The following AP1M2 variants were observed in gnomAD, a reference collection of about 807,000 sequenced individuals.
AP1M2 encodes the protein AP-1 complex subunit mu-2.
A neutral mutation model predicts 54.6 loss-of-function variants in AP1M2; 41 were observed. That is an observed-to-expected ratio of 0.75 (90% CI 0.59 to 0.97). The LOEUF is 0.97. AP1M2 is among the 50% of genes least tolerant of loss of function. The pLI is 0.00. For synonymous variants in AP1M2, 219 were observed against 215.9 expected, an observed-to-expected ratio of 1.01 and a Z score of -0.13; for missense variants, 507 against 561.2, an observed-to-expected ratio of 0.90 and a Z score of 0.98.
At chr19:10,582,015 G>T in intron 3 of AP1M2, 137 bp from the exon 4 acceptor site, 1 of 939,200 alleles carries the variant, frequency 1.1e-6, no homozygotes, top group Non-Finnish European at 1.5e-6. Context: ...ACCAGCCTGG[G>T]CAATATAGTG....
intron 3 of AP1M2, among the ~76,000 whole-genome samples, chr19:10,582,952 C>T (rs2885056): frequency 8.6e-5 from 13 of 150,418 alleles, no homozygotes; most frequent in Admixed American, 6.6e-4. Context: ...CAACCTTCCC[C>T]GTAGCTGGGA....
At chr19:10,579,602 A>G in intron 7 of AP1M2, 114 bp downstream of exon 7, 1 of 1,250,418 alleles carries the variant, frequency 8.0e-7, no homozygotes, top group Non-Finnish European at 1.1e-6. Context: ...GATCCACCCG[A>G]CTCAGCCTCC....
rs1383328295 is a variant in AP1M2, at chr19:10,575,016, T to C, written c.1061A>G (p.Tyr354Cys). 2.5e-5 allele frequency: 38 copies of C among 1,528,486 alleles called. No individual in the cohort carries two copies. Among genetic ancestry groups the C allele is most frequent in the Non-Finnish European group, 3.4e-5 (38 of 1,133,966 alleles). 94.7% of individuals were successfully genotyped at this position (1,528,486 alleles called of 1,614,324 possible). A position where few individuals can be genotyped will look rare whatever the true frequency, so the allele number is the denominator to read the frequency against. Residue 354 changes from tyrosine to cysteine, a missense_variant, in exon 10 of 12, where the codon TAC (tyrosine) becomes TGC (cysteine). Physicochemically the swap from Tyr to Cys is radical, Grantham distance 194. Coordinates refer to ENST00000250244, the MANE Select transcript of AP1M2 (RefSeq NM_005498.5). ...GAGGCCAAAGTGGGCTCGCATCAAG[T>C]ACTCCTTGCCCCCCTGAGGGAACAT... ...SIKSFPGGKE[Y>C]LMRAHFGLPS...
chr19:10,574,617 A>C (rs995929297), intron 10 of AP1M2, 125 bp from the exon 11 acceptor site: 13 of 869,880 alleles, frequency 1.5e-5, no homozygotes, highest in Non-Finnish European at 2.3e-5. Flanking sequence ...GGGATATCAC[A>C]TGGTCTTAGG....
At chr19:10,585,303 G>GA (rs1366995560) in intron 1 of AP1M2, among the ~76,000 whole-genome samples, 1 of 142,430 alleles carries the variant, frequency 7.0e-6, no homozygotes, top group Non-Finnish European at 1.6e-5. Flanking sequence ...AAGAAAGAAA[G>GA]AAAGAAAGAA....
At position 10,581,572 on chromosome 19, in the gene AP1M2, G is replaced by C. The variant is rs373522742; in HGVS notation, c.461C>G (p.Thr154Ser). ...CTCGGAGCGCCAGGACACAGCGTTG[G>C]TGACAGTGGGTGGCACCCGTGACTT... The part of the protein sequence containing the change: ...TGKSRVPPTV[T>S]NAVSWRSEGI... The change falls in exon 5 of 12, where the codon ACC becomes AGC. Residue 154 changes from threonine (T) to serine (S), a missense_variant. Transcript: ENST00000250244. 2 of 1,613,846 alleles carry C rather than the reference G, an allele frequency of 1.2e-6. No individual in the cohort carries two copies. Among genetic ancestry groups the C allele is most frequent in the Non-Finnish European group, 1.7e-6 (2 of 1,179,854 alleles).
chr19:10,587,219 C>G lies in AP1M2; in HGVS notation c.13G>C (p.Ala5Pro). The G allele has an allele frequency of 6.4e-7, 1 of 1,563,384 alleles. No individual in the cohort carries two copies. The highest frequency in any genetic ancestry group is 1.2e-5 in the South Asian group (1 of 84,704). ...CCCTTAACGTCCAGAATGAAGACAG[C>G]CGAGGCGGACATGGTGGCGGCCGAA... is the stretch of plus-strand genomic sequence containing the variant. MSASAVFILDVKGKP... is the reference protein window; with the variant it reads MSASPVFILDVKGKP... Residue 5 changes from alanine (A) to proline (P), a missense_variant, in exon 1 of 12, where the codon GCT (alanine) becomes CCT (proline). Ala to Pro is a conservative substitution (Grantham distance 27, BLOSUM62 -1). Coordinates refer to ENST00000250244, the MANE Select transcript of AP1M2 (RefSeq NM_005498.5).
At chr19:10,577,759 C>T (rs1442133993) in intron 8 of AP1M2, among the ~76,000 whole-genome samples, 34 of 123,430 alleles carry the variant, frequency 2.8e-4, no homozygotes, top group South Asian at 2.6e-4. Flanking sequence ...TTTTTTTAGA[C>T]GGAGTCTCTC....
intron 3 of AP1M2, among the ~76,000 whole-genome samples, chr19:10,582,277 C>A (rs975861098): frequency 2.0e-5 from 3 of 151,196 alleles, no homozygotes; most frequent in Non-Finnish European, 4.4e-5. Context: ...CTCTTGATCT[C>A]GTAATCCGCC....
intron 9 of AP1M2, among the ~76,000 whole-genome samples, chr19:10,576,706 C>CTT (rs751510668): frequency 1.2e-4 from 16 of 136,394 alleles, no homozygotes; most frequent in African/African-American, 1.6e-4. Flanking sequence ...GCCTTTTAAT[C>CTT]TTTTTTTTTT....
Position 10,583,972 on chromosome 19 carries a change from G to A in AP1M2, c.141C>T (p.Ala47=). The change falls in exon 2 of 12, where the codon GCC becomes GCT. Residue 47 remains alanine, a synonymous_variant. Transcript: ENST00000250244. ...LVQREEEGAL[A]PLLSHGQVHF... ...GGACCTGGCCGTGGCTCAGCAGCGG[G>A]GCCAGGGCGCCTTCCTCCTCCCGCT... 5.6e-6 allele frequency: 9 copies of A among 1,604,880 alleles called. No homozygotes were observed. The highest frequency in any genetic ancestry group is 2.2e-5 in the East Asian group (1 of 44,526).
At chr19:10,574,538 A>G (rs746972740) in intron 10 of AP1M2, 46 bp from the exon 11 acceptor site, 1 of 1,493,706 alleles carries the variant, frequency 6.7e-7, no homozygotes, top group African/African-American at 1.4e-5. Context: ...AGGAGGGAGG[A>G]GGCCAGGGCC....
At chr19:10,578,114 C>T (rs1917306687) in intron 8 of AP1M2, among the ~76,000 whole-genome samples, 1 of 152,162 alleles carries the variant, frequency 6.6e-6, no homozygotes, top group Non-Finnish European at 1.5e-5. Context: ...CTTCTCGAGC[C>T]TCATGGGTGT....
In AP1M2 at chr19:10,572,986, C is replaced by A. The variant is rs543742329; in HGVS notation, c.*80G>T. ...CCTGCCCTCACACAGACACACACAG[C>A]CCGCACCTGCCCTCCCTCTAAAATC... On this transcript the variant is annotated 3_prime_UTR_variant, in exon 12 of 12. Coordinates refer to ENST00000250244, the MANE Select transcript of AP1M2 (RefSeq NM_005498.5). 4 of 1,460,518 alleles carry A rather than the reference C, an allele frequency of 2.7e-6. No individual in the cohort carries two copies. Among genetic ancestry groups the A allele is most frequent in the Admixed American group, 3.9e-5 (2 of 50,730 alleles). 90.5% of individuals were successfully genotyped at this position (1,460,518 alleles called of 1,614,324 possible). A position where few individuals can be genotyped will look rare whatever the true frequency, so the allele number is the denominator to read the frequency against.
At chr19:10,579,596 C>G (rs1917367196) in intron 7 of AP1M2, 120 bp downstream of exon 7, 4 of 1,180,522 alleles carry the variant, frequency 3.4e-6, no homozygotes, top group Admixed American at 5.1e-5. Context: ...TCAAGTGATC[C>G]ACCCGACTCA....
chr19:10,587,115 C>G (rs1227133875), intron 1 of AP1M2, 75 bp downstream of exon 1: 8 of 1,511,992 alleles, frequency 5.3e-6, no homozygotes, highest in Non-Finnish European at 7.2e-6. Flanking sequence ...CTGGCCCGCG[C>G]GGAGGGGTCG....
chr19:10,580,792 C>T (rs763063319), intron 6 of AP1M2, among the ~76,000 whole-genome samples: 4 of 151,610 alleles, frequency 2.6e-5, no homozygotes, highest in African/African-American at 9.7e-5. Context: ...GCGAGACCCC[C>T]GTCTCTATAA....
Position 10,581,949 on chromosome 19 carries a change from AC to A in AP1M2, c.268-72del, listed in dbSNP as rs965797653. On this transcript the variant is annotated intron_variant, in intron 3 of 11. Coordinates refer to ENST00000250244, the MANE Select transcript of AP1M2 (RefSeq NM_005498.5). ...TTGGGCATAGTAGCTCATGCCTGTA[AC>A]CCCAGCACCTTGGGAGGCCAAGGCA... The A allele has an allele frequency of 8.4e-5, 124 of 1,469,412 alleles. 1 individual carries two copies. Among genetic ancestry groups the A allele is most frequent in the South Asian group, 1.4e-5 (1 of 73,062 alleles). 91.0% of individuals were successfully genotyped at this position (1,469,412 alleles called of 1,614,324 possible). A position where few individuals can be genotyped will look rare whatever the true frequency, so the allele number is the denominator to read the frequency against.
chr19:10,579,227 T>A (rs966687494), intron 7 of AP1M2, among the ~76,000 whole-genome samples: 1 of 151,568 alleles, frequency 6.6e-6, no homozygotes, highest in Non-Finnish European at 1.5e-5. Context: ...CCATCCTGGC[T>A]AACACGGCGA....
Sources: allele counts gnomAD v4.1 joint callset (sites outside exome capture counted in the v4.1 genomes callset), GRCh38; gene constraint gnomAD v4.1.1; transcripts MANE v1.5; gene names NCBI Gene and HGNC (gene_info 2026-07-23, HGNC 2026-07-21).